Variants in LPP observed in about 807,000 individuals in gnomAD.
LPP encodes lipoma-preferred partner.
LPP carries 38 observed loss-of-function variants against 60.4 expected under a neutral mutation model. The observed-to-expected ratio is 0.63, with a 90% CI of 0.49 to 0.83. LPP has a LOEUF of 0.83. Among genes scored for constraint, LPP ranks in the 40% least tolerant of loss-of-function variants. The probability of loss-of-function intolerance (pLI) is 0.00; values close to 1 mark genes in which losing one functional copy is unlikely to be tolerated. For synonymous variants in LPP, 328 were observed against 290.8 expected (o/e 1.13, Z -1.30); for missense variants, 902 against 783.6 (o/e 1.15, Z -1.80).
intron 9 of LPP, among the ~76,000 whole-genome samples, chr3:188,761,423 G>A (rs750894850): frequency 2.0e-5 from 3 of 152,002 alleles, no homozygotes; most frequent in Non-Finnish European, 2.9e-5. Context: ...ATTTTATTTC[G>A]TTTTCTTTCC....
chr3:188,661,290 G>T (rs1200610183), intron 7 of LPP, among the ~76,000 whole-genome samples: 1 of 152,060 alleles, frequency 6.6e-6, no homozygotes, highest in Non-Finnish European at 1.5e-5. Context: ...GAATAAAGTC[G>T]CTATAAACAT....
chr3:188,560,167 C>A (rs750397160), intron 6 of LPP, among the ~76,000 whole-genome samples: 1 of 152,116 alleles, frequency 6.6e-6, no homozygotes, highest in East Asian at 1.9e-4. Flanking sequence ...TAGAGAGCAT[C>A]TAACACAGAG....
At chr3:188,708,841 C>G (rs1866012222) in intron 8 of LPP, 1 of 194,244 alleles carries the variant, frequency 5.1e-6, no homozygotes, top group Non-Finnish European at 1.0e-5. Context: ...CCACTGCACT[C>G]CAGCCTGGAC....
At chr3:188,234,478 T>C (rs1252120918) in intron 2 of LPP, among the ~76,000 whole-genome samples, 1 of 152,206 alleles carries the variant, frequency 6.6e-6, no homozygotes, top group Non-Finnish European at 1.5e-5. Context: ...GTATCTGAGC[T>C]GCTTTTGGAC....
At chr3:188,467,065 A>G (rs1239100010) in intron 4 of LPP, among the ~76,000 whole-genome samples, 1 of 151,280 alleles carries the variant, frequency 6.6e-6, no homozygotes, top group African/African-American at 2.4e-5. Flanking sequence ...TCAGGCTCCT[A>G]ATCTTTTTGA....
At position 188,883,732 on chromosome 3, in the gene LPP, CAAAA is replaced by C. The variant is rs71169028; in HGVS notation, c.*9272_*9275del. ...TGGGCGACAGAACGAGACTCCGTCT[CAAAA>C]AAAAAAAAAAAAAAAAAAGGTTGGG... On this transcript the variant is annotated 3_prime_UTR_variant, in exon 12 of 12. Coordinates refer to ENST00000617246, the MANE Select transcript of LPP (RefSeq NM_001375462.1). The C allele has an allele frequency of 1.2e-3, 85 of 70,398 alleles. No homozygotes were observed. The highest frequency in any genetic ancestry group is 1.7e-3 in the East Asian group (8 of 4,642). 4.4% of individuals were successfully genotyped at this position (70,398 alleles called of 1,614,324 possible).
intron 4 of LPP, 42 bp from the exon 5 acceptor site, chr3:188,484,550 T>G: frequency 7.2e-7 from 1 of 1,383,540 alleles, no homozygotes; most frequent in Non-Finnish European, 1.0e-6. Context: ...ACTATAACGT[T>G]GCATCCTTAT....
chr3:188,853,762 G>C (rs1307096756), intron 9 of LPP, among the ~76,000 whole-genome samples: 1 of 151,728 alleles, frequency 6.6e-6, no homozygotes, highest in African/African-American at 2.4e-5. Context: ...TATCATCTCT[G>C]TTAAAGTTGC....
At chr3:188,701,948 T>A (rs1232138963) in intron 7 of LPP, among the ~76,000 whole-genome samples, 6 of 111,644 alleles carry the variant, frequency 5.4e-5, no homozygotes, top group Non-Finnish European at 1.2e-4. Context: ...TTTTCCCTTT[T>A]TTTTTTTTTT....
chr3:188,770,414 A>C (rs1735581570), intron 9 of LPP, among the ~76,000 whole-genome samples: 1 of 141,782 alleles, frequency 7.1e-6, no homozygotes, highest in African/African-American at 2.6e-5. Flanking sequence ...GATGGTCTTG[A>C]TCTCCTGACC....
intron 7 of LPP, among the ~76,000 whole-genome samples, chr3:188,613,457 TA>T (rs1228919376): frequency 3.9e-5 from 6 of 152,162 alleles, no homozygotes; most frequent in East Asian, 3.9e-4. Flanking sequence ...CCAATTATCA[TA>T]AAAACTCATC....
Position 188,376,174 on chromosome 3 carries a change from G to C in LPP, c.-9-29938G>C, listed in dbSNP as rs190328258. Among the ~76,000 whole-genome samples the C allele has an allele frequency of 2.8e-4, 42 of 152,184 alleles. No homozygotes were observed. The East Asian group carries it at 7.5e-3, about 27-fold the overall frequency. Reference sequence around the variant, plus strand: ...TGTGGTGTGGTGCTGAAAAAAATGTGTATTCTGTCGATTTGGGGTGGAGAG... The same window carrying C: ...TGTGGTGTGGTGCTGAAAAAAATGTCTATTCTGTCGATTTGGGGTGGAGAG... On this transcript the variant is annotated intron_variant, in intron 3 of 11. Coordinates refer to ENST00000617246, the MANE Select transcript of LPP (RefSeq NM_001375462.1).
chr3:188,563,614 A>G (rs1263429331), intron 6 of LPP, among the ~76,000 whole-genome samples: 1 of 151,582 alleles, frequency 6.6e-6, no homozygotes, highest in Non-Finnish European at 1.5e-5. Context: ...AGTCTCTTTT[A>G]TAGTGGAGAG....
intron 1 of LPP, among the ~76,000 whole-genome samples, chr3:188,198,681 A>T (rs1219267849): frequency 2.6e-5 from 4 of 152,102 alleles, no homozygotes; most frequent in Non-Finnish European, 5.9e-5. Flanking sequence ...TCCCATGTTT[A>T]TGTTGATTCA....
At chr3:188,508,401 T>C (rs535953167) in intron 5 of LPP, among the ~76,000 whole-genome samples, 3 of 152,238 alleles carry the variant, frequency 2.0e-5, no homozygotes, top group Non-Finnish European at 4.4e-5. Context: ...AAAGGGACTA[T>C]ACAGTCTCCA....
intron 2 of LPP, among the ~76,000 whole-genome samples, chr3:188,268,554 G>A (rs967809967): frequency 6.6e-6 from 1 of 152,222 alleles, no homozygotes; most frequent in Admixed American, 6.5e-5. Context: ...ACAGTTGGCT[G>A]TCTTTGATTG....
intron 2 of LPP, among the ~76,000 whole-genome samples, chr3:188,243,681 A>G (rs1387206111): frequency 6.6e-6 from 1 of 152,094 alleles, no homozygotes; most frequent in Non-Finnish European, 1.5e-5. Context: ...CACTGGCAGC[A>G]CTGAGCAAAA....
intron 4 of LPP, among the ~76,000 whole-genome samples, chr3:188,460,901 C>T (rs1452692062): frequency 6.6e-6 from 1 of 152,072 alleles, no homozygotes; most frequent in Non-Finnish European, 1.5e-5. Context: ...GGTTACTCTA[C>T]TGTGAAAGAG....
At chr3:188,431,077 A>T (rs988354020) in intron 4 of LPP, among the ~76,000 whole-genome samples, 3 of 152,106 alleles carry the variant, frequency 2.0e-5, no homozygotes, top group Non-Finnish European at 2.9e-5. Context: ...AGTTTTCTCT[A>T]TATTGAATAT....
Sources: gnomAD v4.1 joint callset for allele counts (sites outside exome capture counted in the v4.1 genomes callset) on GRCh38, gnomAD v4.1.1 for gene constraint, MANE v1.5 for transcripts, NCBI Gene and HGNC (gene_info 2026-07-23, HGNC 2026-07-21) for gene names.